The following STYX variants were observed in gnomAD, a reference collection of about 807,000 sequenced individuals.
STYX encodes serine/threonine/tyrosine interacting protein.
Under a neutral mutation model 42.7 loss-of-function variants are expected in STYX, and 20 were observed. That is an observed-to-expected ratio of 0.47 (90% confidence interval 0.33 to 0.68). The LOEUF (loss-of-function observed/expected upper bound fraction) is 0.68, where lower values mean the gene tolerates loss of function less well. STYX is among the 30% of genes least tolerant of loss of function. The pLI is 0.02. For missense variants in STYX, 226 were observed against 268.5 expected (o/e 0.84, Z 1.11); for synonymous variants, 78 against 81.9 (o/e 0.95, Z 0.26).
chr14:52,752,379 C>T (rs1881653302), intron 4 of STYX, among the ~76,000 whole-genome samples: 1 of 151,476 alleles, frequency 6.6e-6, no homozygotes, highest in Admixed American at 6.6e-5. Context: ...GCAGGAGAAT[C>T]ACTTGAACCT....
At chr14:52,757,379 A>C (rs748301671) in intron 6 of STYX, 24 bp downstream of exon 6, 33 of 1,570,900 alleles carry the variant, frequency 2.1e-5, no homozygotes, top group Non-Finnish European at 2.8e-5. Flanking sequence ...CCTTTCCTTA[A>C]CTAATGTTTA....
At position 52,771,086 on chromosome 14, in the gene STYX, G is replaced by T; in HGVS notation, c.652G>T (p.Ala218Ser). ...EEDDFGTMQV[A>S]TAQNG ...GGATGATTTTGGAACCATGCAAGTG[G>T]CGACTGCACAGAATGGCTGACTTGA... The change falls in exon 11 of 11, where the codon GCG (alanine) becomes TCG (serine). Residue 218 changes from alanine to serine, a missense_variant. By Grantham distance (99) the Ala-to-Ser change is moderately conservative. Transcript: ENST00000354586. The T allele has an allele frequency of 6.2e-7, 1 of 1,611,074 alleles. No homozygotes were observed.
chr14:52,749,497 C>T (rs1308496116), intron 3 of STYX, among the ~76,000 whole-genome samples: 3 of 152,106 alleles, frequency 2.0e-5, no homozygotes, highest in Non-Finnish European at 2.9e-5. Flanking sequence ...CTCATGCCAT[C>T]GTGACTTGTT....
intron 3 of STYX, among the ~76,000 whole-genome samples, chr14:52,749,286 A>G (rs1020705064): frequency 6.6e-6 from 1 of 152,212 alleles, no homozygotes; most frequent in African/African-American, 2.4e-5. Context: ...AGACTCCACC[A>G]TCACATCTTG....
chr14:52,733,369 G>C (rs574722568), intron 1 of STYX, among the ~76,000 whole-genome samples: 7 of 152,200 alleles, frequency 4.6e-5, no homozygotes, highest in Admixed American at 2.6e-4. Flanking sequence ...ATGTGTGGGG[G>C]TTTTTCCATA....
chr14:52,753,756 ATTG>A (rs1427912687), intron 4 of STYX, among the ~76,000 whole-genome samples: 2 of 148,286 alleles, frequency 1.3e-5, no homozygotes, highest in Non-Finnish European at 3.0e-5. Flanking sequence ...AATGTTTTTT[ATTG>A]TTGTCGGTTG....
At chr14:52,750,662 C>T in intron 3 of STYX, 21 bp from the exon 4 acceptor site, 4 of 1,428,320 alleles carry the variant, frequency 2.8e-6, no homozygotes, top group Non-Finnish European at 3.8e-6. Context: ...CTGTCCTCCC[C>T]CTGCTTTTTT....
At chr14:52,734,618 A>T (rs570702388) in intron 1 of STYX, among the ~76,000 whole-genome samples, 1 of 152,226 alleles carries the variant, frequency 6.6e-6, no homozygotes, top group Admixed American at 6.5e-5. Flanking sequence ...ATTTCATATT[A>T]TATCACAGGG....
At chr14:52,755,462 G>A (rs931418713) in intron 4 of STYX, among the ~76,000 whole-genome samples, 1 of 152,020 alleles carries the variant, frequency 6.6e-6, no homozygotes, top group African/African-American at 2.4e-5. Context: ...CTTTGAAGTT[G>A]TTACCACCTA....
At chr14:52,739,027 T>C (rs1156389342) in intron 1 of STYX, among the ~76,000 whole-genome samples, 1 of 152,042 alleles carries the variant, frequency 6.6e-6, no homozygotes, top group Non-Finnish European at 1.5e-5. Context: ...ATGCACATAA[T>C]GAATCTGTAT....
Position 52,746,435 on chromosome 14 carries a change from C to A in STYX, c.100C>A (p.Pro34Thr), listed in dbSNP as rs751785744. 2 of 1,553,242 alleles carry A rather than the reference C, an allele frequency of 1.3e-6. No individual in the cohort carries two copies. The highest frequency in any genetic ancestry group is 2.4e-5 in the South Asian group (2 of 82,644). The change falls in exon 3 of 11, where the codon CCT becomes ACT. Residue 34 changes from proline to threonine, a missense_variant. Pro to Thr is a conservative substitution (Grantham distance 38, BLOSUM62 -1). Transcript: ENST00000354586. ...ATTTTTTTTTTTCTAGGAAATTTTA[C>A]CTGGATTGTTCTTAGGCCCATATTC... is the stretch of plus-strand genomic sequence containing the variant. ...PMRREMQEILPGLFLGPYSSA... is the reference protein window; with the variant it reads ...PMRREMQEILTGLFLGPYSSA...
intron 1 of STYX, among the ~76,000 whole-genome samples, chr14:52,732,849 T>G (rs1466310858): frequency 6.6e-6 from 1 of 151,938 alleles, no homozygotes; most frequent in Non-Finnish European, 1.5e-5. Context: ...TTTTGTACTT[T>G]TAGTAGAGAC....
intron 9 of STYX, 58 bp downstream of exon 9, chr14:52,759,812 G>A: frequency 9.1e-7 from 1 of 1,103,338 alleles, no homozygotes; most frequent in East Asian, 2.4e-5. Context: ...TTTTATACAT[G>A]TAATTTAGGT....
At chr14:52,751,576 C>G (rs1881612772) in intron 4 of STYX, among the ~76,000 whole-genome samples, 1 of 152,016 alleles carries the variant, frequency 6.6e-6, no homozygotes, top group Non-Finnish European at 1.5e-5. Flanking sequence ...AGTATCTCTC[C>G]AAGACGGAAT....
intron 9 of STYX, 83 bp from the exon 10 acceptor site, chr14:52,768,757 C>A: frequency 2.2e-6 from 2 of 890,422 alleles, no homozygotes; most frequent in Non-Finnish European, 1.6e-6. Context: ...TGAAGAATAC[C>A]AACAGTGTAT....
rs562398105 is a variant in STYX, at chr14:52,730,584, G to A, written c.57+53G>A. 4.4e-6 allele frequency: 7 copies of A among 1,586,022 alleles called. No homozygotes were observed. In the South Asian group the frequency reaches 6.8e-5, roughly 15 times the overall value. ...CAGGCCTCTCCCTGTGGCTCCGGCCGAGGGGCGACCCCAGTCCCCAACCGT... is the reference window on the plus strand; with the variant it reads ...CAGGCCTCTCCCTGTGGCTCCGGCCAAGGGGCGACCCCAGTCCCCAACCGT... On this transcript the variant is annotated intron_variant, in intron 1 of 10. Coordinates refer to ENST00000354586, the MANE Select transcript of STYX (RefSeq NM_145251.4).
At chr14:52,732,912 C>G (rs575573459) in intron 1 of STYX, among the ~76,000 whole-genome samples, 2 of 152,246 alleles carry the variant, frequency 1.3e-5, no homozygotes, top group African/African-American at 4.8e-5. Flanking sequence ...CTCAAGTGAT[C>G]CGCCTGCCTC....
intron 9 of STYX, among the ~76,000 whole-genome samples, chr14:52,765,318 A>G (rs1424823600): frequency 1.3e-5 from 2 of 152,116 alleles, no homozygotes; most frequent in African/African-American, 2.4e-5. Flanking sequence ...TCCCGAGTTC[A>G]AGTGATTCTC....
intron 4 of STYX, among the ~76,000 whole-genome samples, chr14:52,753,923 A>G (rs1881740944): frequency 1.1e-5 from 1 of 93,560 alleles, no homozygotes; most frequent in Non-Finnish European, 2.0e-5. Context: ...TTTTTTTGAG[A>G]CAGAGTCTCG....
Sources: gnomAD v4.1 joint callset for allele counts (sites outside exome capture counted in the v4.1 genomes callset) on GRCh38, gnomAD v4.1.1 for gene constraint, MANE v1.5 for transcripts, NCBI Gene and HGNC (gene_info 2026-07-23, HGNC 2026-07-21) for gene names.